The following TRMT9B variants were observed in gnomAD, a reference collection of about 807,000 sequenced individuals.
The protein encoded by TRMT9B is probable tRNA methyltransferase 9B.
TRMT9B carries 16 observed loss-of-function variants against 11.5 expected under a neutral mutation model. That is an observed-to-expected ratio of 1.39 (90% CI 0.94 to 2.11). The LOEUF is 2.11. TRMT9B is among the 30% of genes most tolerant of loss of function. TRMT9B has a pLI of 0.00. For synonymous variants in TRMT9B, 274 were observed against 192.4 expected (o/e 1.42, Z -3.51); for missense variants, 941 against 553.8 (o/e 1.70, Z -7.02).
chr8:12,968,608 T>C (rs991699275), intron 1 of TRMT9B, among the ~76,000 whole-genome samples: 2 of 152,280 alleles, frequency 1.3e-5, no homozygotes, highest in African/African-American at 2.4e-5. Flanking sequence ...TGTGAGCCGA[T>C]AGCCACGTGG....
At chr8:12,982,713 G>C (rs900466033) in intron 1 of TRMT9B, among the ~76,000 whole-genome samples, 1 of 151,848 alleles carries the variant, frequency 6.6e-6, no homozygotes, top group South Asian at 2.1e-4. Context: ...TTTTAGTACA[G>C]GTTGGATATT....
chr8:13,008,817 C>T (rs995284422), intron 3 of TRMT9B, among the ~76,000 whole-genome samples: 5 of 152,198 alleles, frequency 3.3e-5, no homozygotes, highest in African/African-American at 9.6e-5. Flanking sequence ...CAAGCTCCGC[C>T]TCCCGGGTTC....
chr8:13,004,131 G>C (rs1029999434), intron 2 of TRMT9B, among the ~76,000 whole-genome samples: 1 of 151,946 alleles, frequency 6.6e-6, no homozygotes, highest in Non-Finnish European at 1.5e-5. Context: ...TAGCCAGAGG[G>C]GAATTGCTGG....
At chr8:13,018,053 G>T (rs955674863) in intron 4 of TRMT9B, among the ~76,000 whole-genome samples, 12 of 147,492 alleles carry the variant, frequency 8.1e-5, no homozygotes, top group African/African-American at 2.8e-4. Context: ...GATAAGAAAG[G>T]AATGGTCACT....
At chr8:13,018,137 C>T (rs1813113058) in intron 4 of TRMT9B, among the ~76,000 whole-genome samples, 1 of 146,210 alleles carries the variant, frequency 6.8e-6, no homozygotes, top group Non-Finnish European at 1.5e-5. Flanking sequence ...CGTGGTGGTT[C>T]ATGCCTGCAA....
At chr8:12,997,838 C>G (rs970440678) in intron 2 of TRMT9B, among the ~76,000 whole-genome samples, 1 of 152,134 alleles carries the variant, frequency 6.6e-6, no homozygotes, top group South Asian at 2.1e-4. Context: ...GTTTTCCAAA[C>G]AGATTGAAAC....
At chr8:13,018,730 C>T (rs1424595729) in intron 4 of TRMT9B, among the ~76,000 whole-genome samples, 1 of 152,144 alleles carries the variant, frequency 6.6e-6, no homozygotes, top group Non-Finnish European at 1.5e-5. Flanking sequence ...TGTTTAAAGA[C>T]AGTTTATTTC....
At chr8:12,946,567 G>A (rs894992984) in intron 1 of TRMT9B, among the ~76,000 whole-genome samples, 1 of 152,188 alleles carries the variant, frequency 6.6e-6, no homozygotes, top group Non-Finnish European at 1.5e-5. Context: ...ATGTCACCCT[G>A]GTGGAGATGT....
intron 1 of TRMT9B, among the ~76,000 whole-genome samples, chr8:12,989,830 T>C (rs1274560971): frequency 6.6e-6 from 1 of 152,254 alleles, no homozygotes; most frequent in Non-Finnish European, 1.5e-5. Flanking sequence ...AAAATGCTTC[T>C]TAAACGCACT....
intron 1 of TRMT9B, among the ~76,000 whole-genome samples, chr8:12,990,469 C>T (rs534994231): frequency 3.4e-4 from 51 of 152,176 alleles, no homozygotes; most frequent in African/African-American, 1.2e-3. Flanking sequence ...TTGAGCAGTC[C>T]AATTGTACTG....
chr8:12,982,511 A>T (rs1044528079), intron 1 of TRMT9B, among the ~76,000 whole-genome samples: 4 of 152,004 alleles, frequency 2.6e-5, no homozygotes, highest in African/African-American at 7.3e-5. Flanking sequence ...AAAATACAAA[A>T]ATTAGCTGGG....
At chr8:12,982,947 C>G (rs1033710221) in intron 1 of TRMT9B, among the ~76,000 whole-genome samples, 2 of 152,154 alleles carry the variant, frequency 1.3e-5, no homozygotes, top group Non-Finnish European at 2.9e-5. Context: ...TTTCCCCATG[C>G]GAGCACACTA....
chr8:12,965,534 G>A (rs73204884), intron 1 of TRMT9B, among the ~76,000 whole-genome samples: 1 of 152,152 alleles, frequency 6.6e-6, no homozygotes, highest in Non-Finnish European at 1.5e-5. Context: ...AAACTCATTA[G>A]TCCAAAGCTG....
intron 1 of TRMT9B, among the ~76,000 whole-genome samples, chr8:12,990,051 A>G (rs1319973267): frequency 6.6e-6 from 1 of 152,204 alleles, no homozygotes; most frequent in African/African-American, 2.4e-5. Flanking sequence ...CGCATCTCTG[A>G]GTAGAAAACC....
intron 1 of TRMT9B, among the ~76,000 whole-genome samples, chr8:12,962,855 C>G (rs1052377471): frequency 6.6e-6 from 1 of 152,142 alleles, no homozygotes; most frequent in African/African-American, 2.4e-5. Context: ...AAAGCAGAAC[C>G]TACTAGAAAT....
At chr8:13,003,764 G>C (rs561061417) in intron 2 of TRMT9B, among the ~76,000 whole-genome samples, 1 of 151,012 alleles carries the variant, frequency 6.6e-6, no homozygotes, top group Non-Finnish European at 1.5e-5. Context: ...TCCACTGATG[G>C]TGTGTCCCCA....
chr8:12,953,756 C>T (rs1415742744), intron 1 of TRMT9B, among the ~76,000 whole-genome samples: 1 of 152,092 alleles, frequency 6.6e-6, no homozygotes, highest in Non-Finnish European at 1.5e-5. Context: ...TTGCTCATAG[C>T]AAGAAAATCA....
At chr8:13,006,487 G>T (rs894276118) in intron 3 of TRMT9B, 131 bp downstream of exon 3, 1 of 1,524,864 alleles carries the variant, frequency 6.6e-7, no homozygotes, top group Non-Finnish European at 8.8e-7. Context: ...CCCAGCACTG[G>T]GCCGTGTAGC....
rs560075298 is a variant in TRMT9B at position 13,021,455 on chromosome 8, C to A, written c.776C>A (p.Ser259Ter). ...TTTTTCTCCAGATCTTTGGATGAAT[C>A]GACTCTGAGGAAGCAAATTGAAAGA... ...SWFFSRSLDESTLRKQIERVR... is the reference protein window; with the variant it reads ...SWFFSRSLDE Residue 259 changes from serine to a stop codon, truncating the protein, a stop_gained, in exon 5 of 5, where the codon TCG (serine) becomes TAG (stop). Transcript: ENST00000524591. LOFTEE classifies it low-confidence loss of function (END_TRUNC). The A allele has an allele frequency of 1.2e-6, 2 of 1,614,002 alleles. No individual in the cohort carries two copies. Among genetic ancestry groups the A allele is most frequent in the Non-Finnish European group, 1.7e-6 (2 of 1,179,894 alleles).
Sources: allele counts gnomAD v4.1 joint callset (sites outside exome capture counted in the v4.1 genomes callset), GRCh38; gene constraint gnomAD v4.1.1; transcripts MANE v1.5; gene names NCBI Gene and HGNC (gene_info 2026-07-23, HGNC 2026-07-21).